Variants in METAP2 observed in about 807,000 individuals in gnomAD.
METAP2 encodes the protein methionine aminopeptidase 2.
A neutral mutation model predicts 59.4 loss-of-function variants in METAP2; 25 were observed. The ratio of observed to expected loss-of-function variants is 0.42; its 90% CI spans 0.31 to 0.59. The LOEUF (loss-of-function observed/expected upper bound fraction) is 0.59. METAP2 is among the 20% of genes least tolerant of loss of function. The pLI is 0.16. For missense variants in METAP2, 366 were observed against 581.2 expected (o/e 0.63, Z 3.81); for synonymous variants, 214 against 194.1 (o/e 1.10, Z -0.85).
intron 3 of METAP2, 121 bp from the exon 4 acceptor site, chr12:95,485,757 TG>T: frequency 1.6e-6 from 1 of 630,762 alleles, no homozygotes; most frequent in Non-Finnish European, 2.6e-6. Flanking sequence ...CTTTTAACTG[TG>T]GCAGCAAGGA....
chr12:95,479,408 A>G (rs979891776), intron 2 of METAP2, among the ~76,000 whole-genome samples: 1 of 152,178 alleles, frequency 6.6e-6, no homozygotes, highest in Non-Finnish European at 1.5e-5. Context: ...AAGTTGGGAA[A>G]GAGCCAGTTA....
At chr12:95,476,404 T>C (rs571676866) in intron 2 of METAP2, among the ~76,000 whole-genome samples, 2 of 151,732 alleles carry the variant, frequency 1.3e-5, no homozygotes, top group South Asian at 4.2e-4. Context: ...CCCAACAACT[T>C]GGGAAGCTGA....
At chr12:95,497,918 G>A (rs895827879) in intron 7 of METAP2, among the ~76,000 whole-genome samples, 2 of 151,592 alleles carry the variant, frequency 1.3e-5, no homozygotes, top group Admixed American at 1.3e-4. Context: ...ACGAAGTCAG[G>A]AGATGGAGAC....
At chr12:95,488,201 T>G (rs916318607) in intron 4 of METAP2, among the ~76,000 whole-genome samples, 3 of 152,072 alleles carry the variant, frequency 2.0e-5, no homozygotes, top group Admixed American at 6.6e-5. Flanking sequence ...TGTCCATGTT[T>G]AATACTTCTG....
rs540202398 is a variant in METAP2, at chr12:95,501,007, A to ATT, written c.868-3035_868-3034dup. On this transcript the variant is annotated intron_variant, in intron 7 of 10. Transcript: ENST00000323666. ...AGGTTCAAAGTTTTCCTTTGTTGGGATTTTTTTTTTTTTTTTTTTTTTTTG... is the reference window on the plus strand; with the variant it reads ...AGGTTCAAAGTTTTCCTTTGTTGGGATTTTTTTTTTTTTTTTTTTTTTTTTTG... Among the ~76,000 whole-genome samples, 673 of 103,458 alleles carry ATT rather than the reference A, an allele frequency of 6.5e-3. 6 individuals carry two copies. Among genetic ancestry groups the ATT allele is most frequent in the African/African-American group, 9.0e-3 (246 of 27,200 alleles). 67.9% of individuals were successfully genotyped at this position (103,458 alleles called of 152,430 possible). A position where few individuals can be genotyped will look rare whatever the true frequency, so the allele number is the denominator to read the frequency against.
At chr12:95,489,560 A>G (rs2076222228) in intron 4 of METAP2, among the ~76,000 whole-genome samples, 1 of 152,240 alleles carries the variant, frequency 6.6e-6, no homozygotes, top group African/African-American at 2.4e-5. Flanking sequence ...CAGATTTGGT[A>G]TAGTTTGTAT....
At chr12:95,476,269 G>A in intron 2 of METAP2, 91 bp downstream of exon 2, 1 of 706,224 alleles carries the variant, frequency 1.4e-6, no homozygotes, top group South Asian at 2.0e-5. Context: ...CACTTTGGGA[G>A]GTCGAGGCGG....
chr12:95,474,165 G>A lies in METAP2; in HGVS notation c.-15G>A, dbSNP rs749955767. The A allele has an allele frequency of 1.2e-6, 2 of 1,612,820 alleles. No homozygotes were observed. The highest frequency in any genetic ancestry group is 1.7e-6 in the Non-Finnish European group (2 of 1,179,452). On this transcript the variant is annotated 5_prime_UTR_variant, in exon 1 of 11. Coordinates refer to ENST00000323666, the MANE Select transcript of METAP2 (RefSeq NM_006838.4). ...TCGCCGCTCTGTCTCATTCCCTCGC[G>A]CTCTCTCGGGCAACATGGCGGGTGT...
rs1457596954 is a variant in METAP2 at position 95,483,477 on chromosome 12, A to G, written c.325+197A>G. 7 of 178,712 alleles carry G rather than the reference A, an allele frequency of 3.9e-5. No individual in the cohort carries two copies. The East Asian group carries it at 6.9e-4, about 18-fold the overall frequency. 11.1% of individuals were successfully genotyped at this position (178,712 alleles called of 1,614,324 possible). A position where few individuals can be genotyped will look rare whatever the true frequency, so the allele number is the denominator to read the frequency against. ...GGCAACAGAGTGAGACTCTGTCTCA[A>G]AAAAAAAAAAAAAAAAAAAAAGAAG... is the stretch of plus-strand genomic sequence containing the variant. On this transcript the variant is annotated intron_variant, in intron 3 of 10. Transcript: ENST00000323666.
chr12:95,490,064 A>G (rs1212056691), intron 4 of METAP2, among the ~76,000 whole-genome samples: 1 of 151,934 alleles, frequency 6.6e-6, no homozygotes, highest in Non-Finnish European at 1.5e-5. Context: ...AATGTGAAAA[A>G]TGTTAAATTG....
rs766953221 is a variant in METAP2, at chr12:95,494,890, A to C, written c.591-67A>C. 1.6e-5 allele frequency: 21 copies of C among 1,313,256 alleles called. No individual in the cohort carries two copies. The Middle Eastern group carries it at 1.4e-3, about 86-fold the overall frequency. 81.4% of individuals were successfully genotyped at this position (1,313,256 alleles called of 1,614,324 possible). On this transcript the variant is annotated intron_variant, in intron 5 of 10. Transcript: ENST00000323666. ...GTAAACTTTCTGGACTTGATGAACT[A>C]TATGGTATTAATATATAAAAGTAAG...
intron 1 of METAP2, among the ~76,000 whole-genome samples, chr12:95,475,017 C>T (rs1321621735): frequency 7.9e-5 from 12 of 152,120 alleles, no homozygotes; most frequent in Non-Finnish European, 2.9e-5. Flanking sequence ...TATTCTGTGG[C>T]TCAGAATGGA....
rs2076425121 is a variant in METAP2 at position 95,513,989 on chromosome 12, CTGT to C, written c.*87_*89del. 2 of 1,449,644 alleles carry C rather than the reference CTGT, an allele frequency of 1.4e-6. No homozygotes were observed. Among genetic ancestry groups the C allele is most frequent in the East Asian group, 4.6e-5 (2 of 43,708 alleles). 89.8% of individuals were successfully genotyped at this position (1,449,644 alleles called of 1,614,324 possible). On this transcript the variant is annotated 3_prime_UTR_variant, in exon 11 of 11. Coordinates refer to ENST00000323666, the MANE Select transcript of METAP2 (RefSeq NM_006838.4). ...CCAGAATTAATTTGCCACATGTTGT[CTGT>C]TTTAACAGTGGACCCATGTAATACT...
chr12:95,496,148 A>T, intron 7 of METAP2, 50 bp downstream of exon 7: 1 of 1,264,104 alleles, frequency 7.9e-7, no homozygotes, highest in Non-Finnish European at 1.1e-6. Flanking sequence ...GAGCACTTTA[A>T]GGTCTTTTAA....
chr12:95,483,174 T>C, intron 2 of METAP2, 41 bp from the exon 3 acceptor site: 1 of 1,489,276 alleles, frequency 6.7e-7, no homozygotes, highest in Non-Finnish European at 9.4e-7. Flanking sequence ...CCTCTGCTTA[T>C]GAGGTTTAAA....
In METAP2 at chr12:95,512,915, A is replaced by C; in HGVS notation, c.1183A>C (p.Arg395=). The C allele has an allele frequency of 6.4e-7, 1 of 1,557,692 alleles. No individual in the cohort carries two copies. The highest frequency in any genetic ancestry group is 8.9e-7 in the Non-Finnish European group (1 of 1,129,430). Residue 395 remains arginine, a splice_region_variant and synonymous_variant, in exon 10 of 11, where the codon AGG becomes CGG. Coordinates refer to ENST00000323666, the MANE Select transcript of METAP2 (RefSeq NM_006838.4). ...TTTTGATGTTGGACATGTGCCAATA[A>C]GGTGAGAGACGAGACGATTGATTTT... ...KNFDVGHVPI[R]LPRTKHLLNV...
chr12:95,477,697 C>T (rs942216074), intron 2 of METAP2, among the ~76,000 whole-genome samples: 1 of 152,130 alleles, frequency 6.6e-6, no homozygotes, highest in African/African-American at 2.4e-5. Flanking sequence ...CACCACCAGC[C>T]TGGGGTTAGG....
chr12:95,474,394 C>G, intron 1 of METAP2, 64 bp downstream of exon 1: 1 of 1,554,236 alleles, frequency 6.4e-7, no homozygotes, highest in South Asian at 1.2e-5. Flanking sequence ...GGCTCAGGCC[C>G]GTTGAGGGGG....
At chr12:95,510,670 A>G (rs1325057434) in intron 8 of METAP2, among the ~76,000 whole-genome samples, 2 of 152,294 alleles carry the variant, frequency 1.3e-5, no homozygotes, top group African/African-American at 2.4e-5. Flanking sequence ...CTGCTTTCCA[A>G]TTACAGCAGC....
Sources: allele counts gnomAD v4.1 joint callset (sites outside exome capture counted in the v4.1 genomes callset), GRCh38; gene constraint gnomAD v4.1.1; transcripts MANE v1.5; gene names NCBI Gene and HGNC (gene_info 2026-07-23, HGNC 2026-07-21).